Variants in CCSER1 observed in about 807,000 individuals in gnomAD.
CCSER1 encodes serine-rich coiled-coil domain-containing protein 1.
In CCSER1, 41 loss-of-function variants were observed where a neutral mutation model predicts 82.0. The ratio of observed to expected loss-of-function variants is 0.50; its 90% CI spans 0.39 to 0.65. The LOEUF is 0.65. Ranked by LOEUF, CCSER1 falls within the 30% of genes least tolerant of loss-of-function variation. The pLI, the probability that CCSER1 is intolerant of heterozygous loss-of-function variation, is 0.00. For synonymous variants in CCSER1, 414 were observed against 383.9 expected, an observed-to-expected ratio of 1.08 and a Z score of -0.92; for missense variants, 1,119 against 1,064.2, an observed-to-expected ratio of 1.05 and a Z score of -0.72.
rs963645539 is a variant in CCSER1 at position 90,566,825 on chromosome 4, A to G, written c.1725-61200A>G. ...CACCGTGTTAGCCAGGATGTTCTCAATCTCCTGACCTCGTGATCCGCCCAT... is the reference window on the plus strand; with the variant it reads ...CACCGTGTTAGCCAGGATGTTCTCAGTCTCCTGACCTCGTGATCCGCCCAT... On this transcript the variant is annotated intron_variant, in intron 5 of 10. Transcript: ENST00000509176. Among the ~76,000 whole-genome samples, 14 of 151,754 alleles carry G rather than the reference A, an allele frequency of 9.2e-5. 1 individual carries two copies. Among genetic ancestry groups the G allele is most frequent in the African/African-American group, 2.4e-5 (1 of 41,278 alleles).
intron 4 of CCSER1, among the ~76,000 whole-genome samples, chr4:90,463,853 T>C (rs1475893789): frequency 1.3e-5 from 2 of 152,132 alleles, no homozygotes; most frequent in Non-Finnish European, 2.9e-5. Context: ...AAAATGCCTC[T>C]CTGATGAATC....
intron 10 of CCSER1, among the ~76,000 whole-genome samples, chr4:91,120,690 G>C (rs1284124578): frequency 6.6e-6 from 1 of 151,970 alleles, no homozygotes; most frequent in Non-Finnish European, 1.5e-5. Flanking sequence ...TCTACAGACA[G>C]AGGGTAGTTG....
intron 1 of CCSER1, among the ~76,000 whole-genome samples, chr4:90,296,848 C>G (rs1732055213): frequency 6.6e-6 from 1 of 152,118 alleles, no homozygotes. Flanking sequence ...TTCCATTGAT[C>G]TATATCTGTG....
intron 10 of CCSER1, among the ~76,000 whole-genome samples, chr4:91,453,115 T>C (rs1285786484): frequency 6.6e-6 from 1 of 152,234 alleles, no homozygotes; most frequent in East Asian, 1.9e-4. Flanking sequence ...CTATAGGTTA[T>C]GATTTATACA....
intron 9 of CCSER1, among the ~76,000 whole-genome samples, chr4:91,024,243 T>C (rs979365242): frequency 2.6e-4 from 40 of 152,154 alleles, no homozygotes; most frequent in Non-Finnish European, 3.5e-4. Context: ...ATTAAAACCA[T>C]ACCAAGTTTA....
intron 9 of CCSER1, among the ~76,000 whole-genome samples, chr4:91,064,217 CA>C (rs1350131635): frequency 6.6e-6 from 1 of 152,014 alleles, no homozygotes; most frequent in Non-Finnish European, 1.5e-5. Context: ...AGAAGATTGC[CA>C]AAAGAAGTAG....
intron 9 of CCSER1, among the ~76,000 whole-genome samples, chr4:90,999,428 C>T (rs1490540455): frequency 1.3e-5 from 2 of 152,150 alleles, no homozygotes; most frequent in Admixed American, 6.5e-5. Flanking sequence ...GCCATTCTTA[C>T]TGGTGTGAGG....
intron 5 of CCSER1, among the ~76,000 whole-genome samples, chr4:90,563,391 T>C (rs115106884): frequency 0.064 from 9,728 of 152,230 alleles, 983 homozygotes; most frequent in African/African-American, 0.22. Context: ...ATTACAGTTG[T>C]GCACCATTGC....
chr4:90,482,220 C>T (rs1381749434), intron 5 of CCSER1, among the ~76,000 whole-genome samples: 1 of 151,846 alleles, frequency 6.6e-6, no homozygotes, highest in African/African-American at 2.4e-5. Flanking sequence ...TGGTGATATC[C>T]CCTTTTTCAT....
At chr4:91,167,616 C>T (rs1009423048) in intron 10 of CCSER1, among the ~76,000 whole-genome samples, 1 of 151,982 alleles carries the variant, frequency 6.6e-6, no homozygotes, top group South Asian at 2.1e-4. Flanking sequence ...TTTTTTTGGA[C>T]AGTTTGAGTG....
chr4:90,492,525 G>A (rs146430364), intron 5 of CCSER1, among the ~76,000 whole-genome samples: 1,775 of 151,964 alleles, frequency 0.012, 13 homozygotes, highest in South Asian at 0.022. Flanking sequence ...TCCTTCAGTT[G>A]TGCTCTGATC....
intron 6 of CCSER1, among the ~76,000 whole-genome samples, chr4:90,717,746 A>G (rs1193528631): frequency 7.5e-6 from 1 of 133,224 alleles, no homozygotes; most frequent in Non-Finnish European, 1.6e-5. Flanking sequence ...ATATACACAT[A>G]TATATATATA....
At chr4:90,298,587 G>A (rs947319869) in intron 1 of CCSER1, among the ~76,000 whole-genome samples, 1 of 151,936 alleles carries the variant, frequency 6.6e-6, no homozygotes, top group Non-Finnish European at 1.5e-5. Context: ...TGTGATGTTA[G>A]GGTGTCAATT....
intron 5 of CCSER1, among the ~76,000 whole-genome samples, chr4:90,534,876 G>T (rs1191073959): frequency 1.3e-5 from 2 of 152,098 alleles, no homozygotes; most frequent in African/African-American, 4.8e-5. Flanking sequence ...GTGCTCTAAT[G>T]CCATGCTACT....
At chr4:91,435,174 C>T (rs1185950361) in intron 10 of CCSER1, among the ~76,000 whole-genome samples, 1 of 152,166 alleles carries the variant, frequency 6.6e-6, no homozygotes, top group Admixed American at 6.5e-5. Context: ...TGTAGTGGCC[C>T]ATGCCTGTGA....
chr4:90,901,795 C>G (rs1724698250), intron 8 of CCSER1, among the ~76,000 whole-genome samples: 1 of 151,850 alleles, frequency 6.6e-6, no homozygotes. Context: ...TAGTATCTTA[C>G]AGGTGGTCTC....
intron 8 of CCSER1, among the ~76,000 whole-genome samples, chr4:90,894,128 G>C (rs2150124260): frequency 6.6e-6 from 1 of 152,062 alleles, no homozygotes; most frequent in Non-Finnish European, 1.5e-5. Flanking sequence ...GACAATTTCT[G>C]TTTAAATGCA....
intron 7 of CCSER1, among the ~76,000 whole-genome samples, chr4:90,740,008 G>A (rs1454184504): frequency 6.6e-6 from 1 of 152,062 alleles, no homozygotes; most frequent in Non-Finnish European, 1.5e-5. Context: ...TTCCTGGTTG[G>A]GGGGAATGAT....
At chr4:91,305,633 TTTTC>T (rs934464848) in intron 10 of CCSER1, among the ~76,000 whole-genome samples, 1 of 151,524 alleles carries the variant, frequency 6.6e-6, no homozygotes, top group African/African-American at 2.4e-5. Context: ...AATTGAATTA[TTTTC>T]TGTTTTTGTC....
Sources: gnomAD v4.1 joint callset for allele counts (sites outside exome capture counted in the v4.1 genomes callset) on GRCh38, gnomAD v4.1.1 for gene constraint, MANE v1.5 for transcripts, NCBI Gene and HGNC (gene_info 2026-07-23, HGNC 2026-07-21) for gene names.